Variants in BID observed in about 807,000 individuals in gnomAD.
BID encodes BH3-interacting domain death agonist.
Under a neutral mutation model 17.4 loss-of-function variants are expected in BID, and 19 were observed. The ratio of observed to expected loss-of-function variants is 1.09; its 90% CI spans 0.76 to 1.60. The LOEUF (loss-of-function observed/expected upper bound fraction) is 1.60. Among genes scored for constraint, BID ranks in the 40% most tolerant of loss-of-function variants. The probability of loss-of-function intolerance (pLI) is 0.00; values close to 1 mark genes in which losing one functional copy is unlikely to be tolerated. For synonymous variants in BID, 108 were observed against 102.8 expected, an observed-to-expected ratio of 1.05 and a Z score of -0.31; for missense variants, 226 against 256.0, an observed-to-expected ratio of 0.88 and a Z score of 0.80.
intron 1 of BID, among the ~76,000 whole-genome samples, chr22:17,760,878 T>C (rs2061633401): frequency 6.6e-6 from 1 of 152,190 alleles, no homozygotes; most frequent in South Asian, 2.1e-4. Flanking sequence ...ATTCAGATAT[T>C]TCTGAATATT....
chr22:17,749,224 G>A (rs1011836854), intron 2 of BID, among the ~76,000 whole-genome samples: 2 of 152,148 alleles, frequency 1.3e-5, no homozygotes, highest in African/African-American at 4.8e-5. Context: ...GTGGGAGAGA[G>A]CACCCGTGTG....
At position 17,742,047 on chromosome 22, in the gene BID, C is replaced by T. The variant is rs77410977; in HGVS notation, c.223+1756G>A. ...GTCCTCTCTCCCTCTGGCCACCAGC[C>T]GAGTAGCAACAGGAATCTTTCCTGA... is the stretch of plus-strand genomic sequence containing the variant. On this transcript the variant is annotated intron_variant, in intron 3 of 5. Transcript: ENST00000622694. Among the ~76,000 whole-genome samples the T allele has an allele frequency of 5.4e-3, 820 of 152,334 alleles. 12 individuals carry two copies. The highest frequency in any genetic ancestry group is 0.019 in the African/African-American group (797 of 41,566).
intron 1 of BID, among the ~76,000 whole-genome samples, chr22:17,753,716 G>C (rs1405006667): frequency 2.0e-5 from 3 of 152,236 alleles, no homozygotes; most frequent in Non-Finnish European, 4.4e-5. Context: ...CACGCAGCCA[G>C]GAGTTCATGC....
chr22:17,759,780 A>C (rs1307437490), intron 1 of BID, among the ~76,000 whole-genome samples: 1 of 152,160 alleles, frequency 6.6e-6, no homozygotes, highest in Non-Finnish European at 1.5e-5. Context: ...AACCTATGCA[A>C]ATAACTATAT....
At chr22:17,750,809 C>T (rs1190086231) in intron 1 of BID, among the ~76,000 whole-genome samples, 1 of 149,790 alleles carries the variant, frequency 6.7e-6, no homozygotes, top group African/African-American at 2.5e-5. Flanking sequence ...GCCTGGGCGA[C>T]AGAGCGAGAC....
In BID at chr22:17,739,498, G is replaced by A; in HGVS notation, c.224-10C>T. 1.2e-6 allele frequency: 2 copies of A among 1,606,744 alleles called. No individual in the cohort carries two copies. The highest frequency in any genetic ancestry group is 2.2e-5 in the South Asian group (2 of 90,852). On this transcript the variant is annotated splice_polypyrimidine_tract_variant and intron_variant, in intron 3 of 5. Coordinates refer to ENST00000622694, the MANE Select transcript of BID (RefSeq NM_001196.4). ...TCTTGACTTTCAGAATCTGTGTTCA[G>A]GCAGGGGCGGCAGAGACAGAGCAGA...
chr22:17,762,777 T>C (rs965086915), intron 1 of BID, among the ~76,000 whole-genome samples: 2 of 152,072 alleles, frequency 1.3e-5, no homozygotes, highest in Non-Finnish European at 2.9e-5. Flanking sequence ...GCCTACTTAA[T>C]CAAACGCTTT....
chr22:17,758,207 C>T (rs1437925599), intron 1 of BID, among the ~76,000 whole-genome samples: 4 of 152,232 alleles, frequency 2.6e-5, no homozygotes, highest in East Asian at 1.9e-4. Flanking sequence ...CTTCCTGCCA[C>T]GCTGTGAGCT....
chr22:17,750,959 C>G (rs970114321), intron 1 of BID, among the ~76,000 whole-genome samples: 2 of 151,392 alleles, frequency 1.3e-5, no homozygotes, highest in Admixed American at 6.6e-5. Flanking sequence ...TCACTTACAC[C>G]CAGGAGGTGG....
At chr22:17,751,326 T>C (rs1026808269) in intron 1 of BID, among the ~76,000 whole-genome samples, 14 of 150,498 alleles carry the variant, frequency 9.3e-5, no homozygotes, top group South Asian at 4.2e-4. Flanking sequence ...GAGCCGAGAT[T>C]GCGCCACTGC....
intron 2 of BID, among the ~76,000 whole-genome samples, chr22:17,744,388 GCTTT>G (rs1479859241): frequency 6.6e-6 from 1 of 152,350 alleles, no homozygotes; most frequent in African/African-American, 2.4e-5. Context: ...GTGCTGGCAC[GCTTT>G]CTTCAAGTTC....
intron 5 of BID, 141 bp from the exon 6 acceptor site, chr22:17,735,732 CCTA>C (rs2061414516): frequency 1.0e-5 from 11 of 1,050,236 alleles, no homozygotes; most frequent in Admixed American, 6.4e-5. Context: ...ATCCGTGCAT[CCTA>C]CTTTTTGCTA....
chr22:17,750,197 G>C, intron 1 of BID, 23 bp from the exon 2 acceptor site: 1 of 1,601,374 alleles, frequency 6.2e-7, no homozygotes, highest in Non-Finnish European at 8.5e-7. Context: ...ACACAGAGTG[G>C]GCGGCCGCTC....
At chr22:17,741,595 C>T (rs1264281287) in intron 3 of BID, among the ~76,000 whole-genome samples, 1 of 151,992 alleles carries the variant, frequency 6.6e-6, no homozygotes, top group East Asian at 1.9e-4. Context: ...ACCTCAGCCT[C>T]CCAAGTAGCT....
At chr22:17,774,568 C>A (rs1381996193), upstream of BID, 2 of 149,990 alleles carry the variant, frequency 1.3e-5, no homozygotes, top group Admixed American at 1.3e-4. Context: ...CCGGGGAGCC[C>A]GCGCCGGCGC....
chr22:17,742,470 TCCCCCCA>T (rs147266241), intron 3 of BID, among the ~76,000 whole-genome samples: 25,517 of 121,134 alleles, frequency 0.21, 1,823 homozygotes, highest in Admixed American at 0.31. Context: ...CTCAGACACC[TCCCCCCA>T]CCCCCCACCC....
intron 1 of BID, among the ~76,000 whole-genome samples, chr22:17,759,739 T>A (rs1227228016): frequency 6.6e-6 from 1 of 152,086 alleles, no homozygotes; most frequent in African/African-American, 2.4e-5. Flanking sequence ...AAATTTCAAA[T>A]TTCAATTTTA....
chr22:17,738,315 A>G, intron 4 of BID, 86 bp from the exon 5 acceptor site: 1 of 1,274,448 alleles, frequency 7.8e-7, no homozygotes. Flanking sequence ...GAAGCACTTC[A>G]AAGTACTTAT....
chr22:17,763,760 T>C (rs1312957475), intron 1 of BID, among the ~76,000 whole-genome samples: 1 of 140,432 alleles, frequency 7.1e-6, no homozygotes, highest in Non-Finnish European at 1.5e-5. Context: ...AATACAAGAG[T>C]ATGAAAAGAG....
Sources: gnomAD v4.1 joint callset for allele counts (sites outside exome capture counted in the v4.1 genomes callset) on GRCh38, gnomAD v4.1.1 for gene constraint, MANE v1.5 for transcripts, NCBI Gene and HGNC (gene_info 2026-07-23, HGNC 2026-07-21) for gene names.